Variants in GRB10 observed in about 807,000 individuals in gnomAD.
The protein encoded by GRB10 is growth factor receptor bound protein 10, also known as growth factor receptor-bound protein 10.
GRB10 carries 20 observed loss-of-function variants against 80.9 expected under a neutral mutation model. That is an observed-to-expected ratio of 0.25 (90% confidence interval 0.17 to 0.36). The LOEUF (loss-of-function observed/expected upper bound fraction) is 0.36. Among genes scored for constraint, GRB10 ranks in the 10% least tolerant of loss-of-function variants. The probability of loss-of-function intolerance (pLI) is 1.00; values close to 1 mark genes in which losing one functional copy is unlikely to be tolerated. For missense variants in GRB10, 548 were observed against 747.7 expected (o/e 0.73, Z 3.12); for synonymous variants, 291 against 291.5 (o/e 1.00, Z 0.02).
upstream of GRB10, among the ~76,000 whole-genome samples, chr7:50,783,284 C>A (rs1474490397): frequency 2.0e-5 from 3 of 152,222 alleles, no homozygotes; most frequent in African/African-American, 7.2e-5. Context: ...GAGGCTCTTT[C>A]TGGAAGCCAC....
In GRB10 at chr7:50,674,289, C is replaced by T. The variant is rs997901419; in HGVS notation, c.362+147G>A. The stretch of plus-strand genomic sequence containing the variant: ...GCACACTGCACACACTCAGTGTATC[C>T]GTTATCCCATCAAAGCAATGTATCT... On this transcript the variant is annotated intron_variant, in intron 6 of 18. Transcript: ENST00000401949. 5.2e-5 allele frequency: 42 copies of T among 810,094 alleles called. 1 individual carries two copies. The highest frequency in any genetic ancestry group is 5.1e-4 in the South Asian group (35 of 68,372). 50.2% of individuals were successfully genotyped at this position (810,094 alleles called of 1,614,324 possible).
At chr7:50,703,769 A>T in intron 5 of GRB10, 52 bp downstream of exon 5, 1 of 1,247,534 alleles carries the variant, frequency 8.0e-7, no homozygotes, top group Non-Finnish European at 1.2e-6. Flanking sequence ...AGATCTGGGC[A>T]CTGCTGCAAA....
At chr7:50,767,891 T>C (rs2153707959) in intron 2 of GRB10, among the ~76,000 whole-genome samples, 1 of 152,300 alleles carries the variant, frequency 6.6e-6, no homozygotes, top group Non-Finnish European at 1.5e-5. Context: ...TGACCTGTTC[T>C]GCCTTCCTGG....
chr7:50,603,705 C>G (rs1701271235), intron 17 of GRB10, among the ~76,000 whole-genome samples: 1 of 152,230 alleles, frequency 6.6e-6, no homozygotes, highest in African/African-American at 2.4e-5. Flanking sequence ...CATCTGCCCA[C>G]TACCTTATGA....
At chr7:50,617,611 T>C (rs1396418218) in intron 10 of GRB10, among the ~76,000 whole-genome samples, 1 of 152,200 alleles carries the variant, frequency 6.6e-6, no homozygotes, top group East Asian at 1.9e-4. Context: ...TTGTAATATA[T>C]GGCAAGTTAC....
chr7:50,655,298 G>T (rs1470237903), intron 7 of GRB10, among the ~76,000 whole-genome samples: 1 of 152,216 alleles, frequency 6.6e-6, no homozygotes, highest in Admixed American at 6.5e-5. Flanking sequence ...TTCCACACAC[G>T]TAAGTTATTA....
At chr7:50,735,874 AAACAAAACAG>A (rs1435570660) in intron 3 of GRB10, among the ~76,000 whole-genome samples, 3 of 152,176 alleles carry the variant, frequency 2.0e-5, no homozygotes, top group Non-Finnish European at 4.4e-5. Context: ...ACAGGAAAAA[AAACAAAACAG>A]AACAAAACAA....
chr7:50,645,220 A>G (rs970667172), intron 7 of GRB10, among the ~76,000 whole-genome samples: 1 of 152,244 alleles, frequency 6.6e-6, no homozygotes, highest in African/African-American at 2.4e-5. Context: ...TTTTTTAAAA[A>G]GCAAGCTTAC....
intron 7 of GRB10, among the ~76,000 whole-genome samples, chr7:50,653,269 T>A (rs1586397486): frequency 6.6e-6 from 1 of 151,790 alleles, no homozygotes; most frequent in South Asian, 2.1e-4. Flanking sequence ...CAGCAGGAGG[T>A]AGCCACAGCA....
chr7:50,604,304 T>C lies in GRB10; in HGVS notation c.1456+7A>G, dbSNP rs1318225328. On this transcript the variant is annotated splice_region_variant and intron_variant, in intron 16 of 18. Transcript: ENST00000401949. ...TACAAAAACATCAGGCAATGTGCCC[T>C]GTTTACCTGTACTTAGGGTAGAAGG... The C allele has an allele frequency of 2.5e-6, 4 of 1,607,154 alleles. No individual in the cohort carries two copies. The Admixed American group carries it at 5.0e-5, about 20-fold the overall frequency.
intron 4 of GRB10, among the ~76,000 whole-genome samples, chr7:50,713,284 G>A (rs536281864): frequency 5.3e-5 from 8 of 151,102 alleles, no homozygotes; most frequent in Non-Finnish European, 7.4e-5. Context: ...CCTCCTCTGC[G>A]GTCACTACCT....
chr7:50,710,087 C>T (rs1406023227), intron 4 of GRB10, among the ~76,000 whole-genome samples: 1 of 152,148 alleles, frequency 6.6e-6, no homozygotes, highest in East Asian at 1.9e-4. Context: ...ATCCCTTTGG[C>T]ACTTTCTCTG....
At chr7:50,675,090 G>C (rs995620185) in intron 5 of GRB10, among the ~76,000 whole-genome samples, 1 of 152,172 alleles carries the variant, frequency 6.6e-6, no homozygotes, top group East Asian at 1.9e-4. Context: ...TTCCAGAAGT[G>C]AAACAAGAGA....
chr7:50,604,254 G>A, intron 16 of GRB10, 57 bp downstream of exon 16: 1 of 1,434,856 alleles, frequency 7.0e-7, no homozygotes. Flanking sequence ...GGAGTGGAGG[G>A]GGGTGCTGTT....
intron 6 of GRB10, among the ~76,000 whole-genome samples, chr7:50,672,900 G>A (rs2060509849): frequency 6.6e-6 from 1 of 152,190 alleles, no homozygotes; most frequent in Non-Finnish European, 1.5e-5. Flanking sequence ...GAGCAAAGTT[G>A]AACAAACCCT....
intron 11 of GRB10, among the ~76,000 whole-genome samples, chr7:50,615,672 T>C (rs1207958393): frequency 6.6e-6 from 1 of 152,216 alleles, no homozygotes; most frequent in African/African-American, 2.4e-5. Flanking sequence ...AGGGTATATG[T>C]GGACAGCACA....
At chr7:50,728,695 G>A (rs181039423) in intron 4 of GRB10, among the ~76,000 whole-genome samples, 18 of 152,222 alleles carry the variant, frequency 1.2e-4, no homozygotes, top group African/African-American at 4.3e-4. Context: ...TTTTGAGACC[G>A]GGTCTTGCTC....
chr7:50,750,306 C>T (rs2073877671), intron 3 of GRB10, among the ~76,000 whole-genome samples: 1 of 152,178 alleles, frequency 6.6e-6, no homozygotes, highest in African/African-American at 2.4e-5. Context: ...ACATCTTGGT[C>T]GACTCTGCTC....
rs1330744734 is a variant in GRB10 at position 50,610,835 on chromosome 7, C to T, written c.1194+1906G>A. Among the ~76,000 whole-genome samples, 6 of 152,180 alleles carry T rather than the reference C, an allele frequency of 3.9e-5. No individual in the cohort carries two copies. The South Asian group carries it at 1.0e-3, about 26-fold the overall frequency. ...GTTCGTTTTGCATTAGTCACTCTGC[C>T]CACATCCTTTCCTGTGGCTCGTTAT... On this transcript the variant is annotated intron_variant, in intron 13 of 18. Coordinates refer to ENST00000401949, the MANE Select transcript of GRB10 (RefSeq NM_001350814.2).
Sources: gnomAD v4.1 joint callset for allele counts (sites outside exome capture counted in the v4.1 genomes callset) on GRCh38, gnomAD v4.1.1 for gene constraint, MANE v1.5 for transcripts, NCBI Gene and HGNC (gene_info 2026-07-23, HGNC 2026-07-21) for gene names.